Variants in HPR observed in about 807,000 individuals in gnomAD.
HPR encodes the protein Haptoglobin-related locus.
A neutral mutation model predicts 18.5 loss-of-function variants in HPR; 17 were observed. The ratio of observed to expected loss-of-function variants is 0.92; its 90% CI spans 0.63 to 1.38. The LOEUF is 1.38. Among genes scored for constraint, HPR ranks in the 40% most tolerant of loss-of-function variants. The pLI is 0.00. For synonymous variants in HPR, 176 were observed against 165.0 expected (o/e 1.07, Z -0.51); for missense variants, 457 against 432.4 (o/e 1.06, Z -0.51).
intron 4 of HPR, among the ~76,000 whole-genome samples, chr16:72,075,833 C>CTTT (rs34334289): frequency 4.3e-4 from 61 of 142,612 alleles, no homozygotes; most frequent in African/African-American, 1.2e-3. Flanking sequence ...TTCTTTCTTT[C>CTTT]TTTTTTTTTT....
At chr16:72,063,566 C>T (rs1424196338) in intron 1 of HPR, among the ~76,000 whole-genome samples, 5 of 152,106 alleles carry the variant, frequency 3.3e-5, no homozygotes, top group Admixed American at 2.0e-4. Context: ...AATATATTTA[C>T]TAGCAGATAT....
In HPR at chr16:72,074,328, G is replaced by C; in HGVS notation, c.136G>C (p.Glu46Gln). Residue 46 changes from glutamate (E) to glutamine (Q), a missense_variant, in exon 3 of 5, where the codon GAG (glutamate) becomes CAG (glutamine). Coordinates refer to ENST00000540303, the MANE Select transcript of HPR (RefSeq NM_020995.4). Reference protein sequence around the residue: ...KPPEIANGYVEHLFRYQCKNY... With the variant: ...KPPEIANGYVQHLFRYQCKNY... ...CCCTGAGATTGCAAATGGCTATGTG[G>C]AGCACTTGTTTCGCTACCAGTGTAA... is the stretch of plus-strand genomic sequence containing the variant. The C allele has an allele frequency of 6.2e-7, 1 of 1,614,080 alleles. No homozygotes were observed. Among genetic ancestry groups the C allele is most frequent in the Non-Finnish European group, 8.5e-7 (1 of 1,180,010 alleles).
Position 72,076,588 on chromosome 16 carries a change from A to C in HPR, c.554A>C (p.His185Pro), listed in dbSNP as rs675948. The C allele has an allele frequency of 2.6e-4, 416 of 1,614,112 alleles. 2 individuals are homozygous for C. The East Asian group carries it at 6.9e-3, about 27-fold the overall frequency. ...AAGGTGGTTCTACACCCTAACTACC[A>C]CCAGGTAGATATTGGGCTCATCAAA... ...IEKVVLHPNY[H>P]QVDIGLIKLK... is the part of the protein sequence containing the mutation. The change falls in exon 5 of 5, where the codon CAC becomes CCC. Residue 185 changes from histidine to proline, a missense_variant. By Grantham distance (77) the His-to-Pro change is moderately conservative. Transcript: ENST00000540303.
At chr16:72,074,716 C>T in intron 3 of HPR, 2 of 705,502 alleles carry the variant, frequency 2.8e-6, no homozygotes, top group Admixed American at 4.0e-5. Flanking sequence ...GTCTTGCTGT[C>T]CTGGCACTGC....
intron 3 of HPR, 72 bp downstream of exon 3, chr16:72,074,457 T>A: frequency 1.5e-6 from 2 of 1,309,032 alleles, no homozygotes; most frequent in South Asian, 1.2e-5. Flanking sequence ...TGGGTGGTGC[T>A]GAGGTGATTT....
At chr16:72,070,889 C>G (rs1171286436) in intron 1 of HPR, among the ~76,000 whole-genome samples, 1 of 152,128 alleles carries the variant, frequency 6.6e-6, no homozygotes, top group Non-Finnish European at 1.5e-5. Context: ...GCCAGGCCCC[C>G]TTTTTCAAAT....
At position 72,075,164 on chromosome 16, in the gene HPR, T is replaced by G. The variant is rs553181036; in HGVS notation, c.213T>G (p.Asp71Glu). 1.2e-5 allele frequency: 17 copies of G among 1,399,376 alleles called. No homozygotes were observed. The African/African-American group carries it at 1.8e-4, about 15-fold the overall frequency. The allele number at this position is 1,399,376 out of a possible 1,614,324, so 86.7% of individuals were successfully genotyped here. ...TEGDGVYTLN[D>E]KKQWINKAVG... ...TTTCAGGAGTATACACCTTAAATGA[T>G]AAGAAGCAGTGGATAAATAAGGCTG... The change falls in exon 4 of 5, where the codon GAT becomes GAG. Residue 71 changes from aspartate (D) to glutamate (E), a missense_variant. Transcript: ENST00000540303.
intron 1 of HPR, 163 bp from the exon 2 acceptor site, chr16:72,073,729 T>C: frequency 6.5e-7 from 1 of 1,536,444 alleles, no homozygotes; most frequent in East Asian, 2.5e-5. Flanking sequence ...AGCACTTCCA[T>C]ATATTGATTT....
At chr16:72,067,937 C>A (rs2041615057) in intron 1 of HPR, among the ~76,000 whole-genome samples, 1 of 152,160 alleles carries the variant, frequency 6.6e-6, no homozygotes, top group Non-Finnish European at 1.5e-5. Context: ...TTAAAGGATG[C>A]TTTTTGGGCA....
At chr16:72,066,445 C>T (rs2041599121) in intron 1 of HPR, among the ~76,000 whole-genome samples, 1 of 152,132 alleles carries the variant, frequency 6.6e-6, no homozygotes, top group Non-Finnish European at 1.5e-5. Flanking sequence ...CAAACATTTG[C>T]TGCCCAAGCA....
chr16:72,064,252 T>C (rs1205438433), intron 1 of HPR, among the ~76,000 whole-genome samples: 1 of 152,192 alleles, frequency 6.6e-6, no homozygotes, highest in East Asian at 1.9e-4. Context: ...AATAACCACA[T>C]AAGTGTTTAA....
Position 72,074,357 on chromosome 16 carries a change from C to G in HPR, c.165C>G (p.Asn55Lys), listed in dbSNP as rs1384428018. 1 of 1,613,580 alleles carries G rather than the reference C, an allele frequency of 6.2e-7. No individual in the cohort carries two copies. Among genetic ancestry groups the G allele is most frequent in the Non-Finnish European group, 8.5e-7 (1 of 1,179,648 alleles). The change falls in exon 3 of 5, where the codon AAC (asparagine) becomes AAG (lysine). Residue 55 changes from asparagine (N) to lysine (K), a missense_variant. By Grantham distance (94) the Asn-to-Lys change is moderately conservative. Transcript: ENST00000540303. ...ACTTGTTTCGCTACCAGTGTAAGAA[C>G]TACTACAGACTGCGCACAGAAGGAG... Reference protein sequence around the residue: ...VEHLFRYQCKNYYRLRTEGDG... With the variant: ...VEHLFRYQCKKYYRLRTEGDG...
intron 1 of HPR, among the ~76,000 whole-genome samples, chr16:72,068,327 C>A (rs559048628): frequency 1.3e-5 from 2 of 152,026 alleles, no homozygotes; most frequent in Admixed American, 6.6e-5. Flanking sequence ...CTGAATGGGT[C>A]GAAGGAATCG....
intron 1 of HPR, among the ~76,000 whole-genome samples, chr16:72,070,446 T>C (rs1372990425): frequency 6.6e-6 from 1 of 152,140 alleles, no homozygotes; most frequent in Non-Finnish European, 1.5e-5. Context: ...CAAACCAGCT[T>C]GGGAAGGACC....
At chr16:72,068,028 T>C (rs2041615959) in intron 1 of HPR, among the ~76,000 whole-genome samples, 1 of 152,194 alleles carries the variant, frequency 6.6e-6, no homozygotes, top group Admixed American at 6.5e-5. Flanking sequence ...ATGGTATCAA[T>C]GGACAGTCTT....
chr16:72,067,205 A>T (rs2041607059), intron 1 of HPR, among the ~76,000 whole-genome samples: 1 of 152,168 alleles, frequency 6.6e-6, no homozygotes. Flanking sequence ...CTTGAGTCCC[A>T]CCAGGAGCCC....
chr16:72,071,315 C>A (rs1365858873), intron 1 of HPR, among the ~76,000 whole-genome samples: 1 of 152,144 alleles, frequency 6.6e-6, no homozygotes, highest in Non-Finnish European at 1.5e-5. Flanking sequence ...TTAAATATTC[C>A]ATCTGCACTT....
At position 72,073,977 on chromosome 16, in the gene HPR, GGTCA is replaced by G. The variant is rs2041687188; in HGVS notation, c.91+4_91+7del. On this transcript the variant is annotated splice_donor_variant and splice_donor_region_variant and intron_variant, in intron 2 of 4. Coordinates refer to ENST00000540303, the MANE Select transcript of HPR (RefSeq NM_020995.4). LOFTEE classifies it high-confidence loss of function. ...AGGCAATGATGTCACGGATATTTCA[GGTCA>G]GTCTTTGAGTTGGGTAGGAGCATGC... 1 of 1,614,008 alleles carries G rather than the reference GGTCA, an allele frequency of 6.2e-7. No individual in the cohort carries two copies. The highest frequency in any genetic ancestry group is 8.5e-7 in the Non-Finnish European group (1 of 1,179,990).
chr16:72,074,475 A>T, intron 3 of HPR, 90 bp downstream of exon 3: 1 of 1,148,216 alleles, frequency 8.7e-7, no homozygotes, highest in Non-Finnish European at 1.3e-6. Context: ...TTTGCCAGAA[A>T]GTTCGTTGCT....
Sources: allele counts gnomAD v4.1 joint callset (sites outside exome capture counted in the v4.1 genomes callset), GRCh38; gene constraint gnomAD v4.1.1; transcripts MANE v1.5; gene names NCBI Gene and HGNC (gene_info 2026-07-23, HGNC 2026-07-21).